LRP1B: variants seen among roughly 807,000 people sequenced by gnomAD.
The protein encoded by LRP1B is LDL receptor related protein 1B, also known as low-density lipoprotein receptor-related protein 1B.
In LRP1B, 217 loss-of-function variants were observed where a neutral mutation model predicts 556.6. The ratio of observed to expected loss-of-function variants is 0.39; its 90% CI spans 0.35 to 0.44. LRP1B has a LOEUF of 0.44. LRP1B is among the 20% of genes least tolerant of loss of function. The probability of loss-of-function intolerance (pLI) is 1.00; values close to 1 mark genes in which losing one functional copy is unlikely to be tolerated. For missense variants in LRP1B, 5,053 were observed against 5,620.8 expected, an observed-to-expected ratio of 0.90 and a Z score of 3.23; for synonymous variants, 2,047 against 1,865.8, an observed-to-expected ratio of 1.10 and a Z score of -2.50.
intron 2 of LRP1B, among the ~76,000 whole-genome samples, chr2:141,683,537 G>T (rs1243447642): frequency 6.6e-6 from 1 of 152,048 alleles, no homozygotes; most frequent in Non-Finnish European, 1.5e-5. Flanking sequence ...GGTTATAAGC[G>T]GTAACAAAAC....
chr2:141,136,804 T>A (rs1411552088), intron 7 of LRP1B, among the ~76,000 whole-genome samples: 1 of 151,860 alleles, frequency 6.6e-6, no homozygotes, highest in Non-Finnish European at 1.5e-5. Flanking sequence ...TGACTTAGAT[T>A]TTCGGTGTAG....
At chr2:141,648,698 G>A (rs1184581507) in intron 2 of LRP1B, among the ~76,000 whole-genome samples, 1 of 152,206 alleles carries the variant, frequency 6.6e-6, no homozygotes, top group Non-Finnish European at 1.5e-5. Context: ...GAATGAATGT[G>A]TTTATGAAGA....
rs1296775435 is a variant in LRP1B at position 140,702,515 on chromosome 2, A to G, written c.6062T>C (p.Ile2021Thr). The change falls in exon 38 of 91, where the codon ATT becomes ACT. Residue 2021 changes from isoleucine to threonine, a missense_variant. Around this residue, in one of 5 missense-constraint regions of LRP1B, gnomAD observed 3,619 missense variants for 3,931.9 expected, o/e 0.92. Transcript: ENST00000389484. ...FWTEWGQMPC[I>T]GKARLDGSEK... is the part of the protein sequence containing the mutation. ...TGAGCCATCCAAGCGAGCCTTTCCAATACAGGGCATTTGTCCCCATTCAGT... is the reference window on the plus strand; with the variant it reads ...TGAGCCATCCAAGCGAGCCTTTCCAGTACAGGGCATTTGTCCCCATTCAGT... The G allele has an allele frequency of 6.2e-7, 1 of 1,613,412 alleles. No individual in the cohort carries two copies. Among genetic ancestry groups the G allele is most frequent in the Admixed American group, 1.7e-5 (1 of 59,884 alleles).
rs1344860983 is a variant in LRP1B at position 141,096,669 on chromosome 2, A to AGGGAGAGG, written c.1014-34397_1014-34396insCCTCTCCC. Among the ~76,000 whole-genome samples the AGGGAGAGG allele has an allele frequency of 1.8e-4, 24 of 130,222 alleles. 1 individual carries two copies. The highest frequency in any genetic ancestry group is 5.3e-4 in the African/African-American group (19 of 36,176). 85.4% of individuals were successfully genotyped at this position (130,222 alleles called of 152,430 possible). A position where few individuals can be genotyped will look rare whatever the true frequency, so the allele number is the denominator to read the frequency against. On this transcript the variant is annotated intron_variant, in intron 7 of 90. Transcript: ENST00000389484. The stretch of plus-strand genomic sequence containing the variant: ...GAGAGAGAGAGAGAGAGAGAGAGAG[A>AGGGAGAGG]GAGAGAGAGAGAGAGAGAGAGAAAA...
chr2:140,839,870 C>T (rs192676079), intron 31 of LRP1B, 121 bp downstream of exon 31: 4 of 694,236 alleles, frequency 5.8e-6, no homozygotes, highest in African/African-American at 5.5e-5. Context: ...TTGGTCAGTT[C>T]CTGAATTTAC....
intron 41 of LRP1B, among the ~76,000 whole-genome samples, chr2:140,637,331 C>T (rs1245721014): frequency 6.6e-6 from 1 of 152,124 alleles, no homozygotes; most frequent in Admixed American, 6.5e-5. Context: ...CTGCTCATGC[C>T]TTAGTCAACA....
chr2:141,583,484 A>G (rs1352446436), intron 2 of LRP1B, among the ~76,000 whole-genome samples: 1 of 152,140 alleles, frequency 6.6e-6, no homozygotes, highest in Admixed American at 6.5e-5. Context: ...AACAGATCTA[A>G]GAGGACCAAC....
chr2:140,475,415 C>T, intron 59 of LRP1B, 78 bp from the exon 60 acceptor site: 1 of 1,065,228 alleles, frequency 9.4e-7, no homozygotes, highest in Non-Finnish European at 1.3e-6. Context: ...TACTTTTTTG[C>T]TCAACTGTTC....
chr2:140,884,616 G>A (rs1314423390), intron 24 of LRP1B, among the ~76,000 whole-genome samples: 1 of 152,060 alleles, frequency 6.6e-6, no homozygotes, highest in Non-Finnish European at 1.5e-5. Flanking sequence ...ATGTAAATAA[G>A]AGAAAAAGGT....
At chr2:141,253,485 G>C (rs1380349420) in intron 4 of LRP1B, among the ~76,000 whole-genome samples, 1 of 152,062 alleles carries the variant, frequency 6.6e-6, no homozygotes, top group Non-Finnish European at 1.5e-5. Context: ...TAACTGAAAA[G>C]TCAATGAGCC....
chr2:140,926,686 C>G (rs1252809381), intron 20 of LRP1B, among the ~76,000 whole-genome samples: 1 of 152,038 alleles, frequency 6.6e-6, no homozygotes, highest in African/African-American at 2.4e-5. Context: ...AAAAAAATAC[C>G]TAGGATTGGG....
intron 1 of LRP1B, among the ~76,000 whole-genome samples, chr2:141,818,211 T>G (rs1044476807): frequency 1.3e-5 from 2 of 152,180 alleles, no homozygotes; most frequent in Admixed American, 6.5e-5. Flanking sequence ...AGAACAGAAT[T>G]CTTGTAGAGG....
chr2:140,767,655 T>A (rs887540239), intron 35 of LRP1B, among the ~76,000 whole-genome samples: 11 of 151,546 alleles, frequency 7.3e-5, no homozygotes, highest in African/African-American at 2.2e-4. Flanking sequence ...AATTATTATT[T>A]TTTTTATTAT....
intron 29 of LRP1B, among the ~76,000 whole-genome samples, chr2:140,841,949 T>C (rs1692119963): frequency 6.6e-6 from 1 of 152,202 alleles, no homozygotes; most frequent in Non-Finnish European, 1.5e-5. Flanking sequence ...GGTTTTACTT[T>C]AAAAAATTTT....
chr2:140,855,808 A>G (rs1485170926), intron 27 of LRP1B, among the ~76,000 whole-genome samples: 1 of 152,176 alleles, frequency 6.6e-6, no homozygotes, highest in Admixed American at 6.5e-5. Flanking sequence ...AGCCTGGCCC[A>G]CAGAGCGAGA....
chr2:140,973,627 C>G (rs939580870), intron 18 of LRP1B, among the ~76,000 whole-genome samples: 5 of 152,114 alleles, frequency 3.3e-5, no homozygotes, highest in African/African-American at 1.2e-4. Flanking sequence ...CATGATAAGG[C>G]TGTCGTCCAA....
At chr2:140,446,982 C>G (rs1686686699) in intron 63 of LRP1B, among the ~76,000 whole-genome samples, 1 of 150,902 alleles carries the variant, frequency 6.6e-6, no homozygotes, top group South Asian at 2.1e-4. Context: ...GAAAAAAAAA[C>G]TCACTGAAAA....
Position 140,492,782 on chromosome 2 carries a change from A to G in LRP1B, c.9035-89T>C, listed in dbSNP as rs1688757661. ...TTCAGTTTAGTTTAGCAGCAATGTG[A>G]TTTCAAATGCAGTGCTGATCTGGTA... is the stretch of plus-strand genomic sequence containing the variant. On this transcript the variant is annotated intron_variant, in intron 56 of 90. Coordinates refer to ENST00000389484, the MANE Select transcript of LRP1B (RefSeq NM_018557.3). 5.5e-6 allele frequency: 5 copies of G among 907,142 alleles called. No homozygotes were observed. In the South Asian group the frequency reaches 7.1e-5, roughly 13 times the overall value. The allele number at this position is 907,142 out of a possible 1,614,324, so 56.2% of individuals were successfully genotyped here.
At chr2:141,716,145 T>C (rs1328477771) in intron 2 of LRP1B, among the ~76,000 whole-genome samples, 1 of 152,176 alleles carries the variant, frequency 6.6e-6, no homozygotes, top group Non-Finnish European at 1.5e-5. Flanking sequence ...CACAAAGCTC[T>C]CTATAACCTT....
Sources: gnomAD v4.1 joint callset for allele counts (sites outside exome capture counted in the v4.1 genomes callset) on GRCh38, gnomAD v4.1.1 for gene constraint, gnomAD v4.1.1 regional missense constraint, MANE v1.5 for transcripts, NCBI Gene and HGNC (gene_info 2026-07-23, HGNC 2026-07-21) for gene names.